Variants in DAB1 observed in about 807,000 individuals in gnomAD.
The protein encoded by DAB1 is disabled homolog 1.
A neutral mutation model predicts 64.6 loss-of-function variants in DAB1; 15 were observed. The observed-to-expected ratio is 0.23, with a 90% confidence interval of 0.16 to 0.36. The LOEUF (loss-of-function observed/expected upper bound fraction) is 0.36, where lower values mean the gene tolerates loss of function less well. Among genes scored for constraint, DAB1 ranks in the 10% least tolerant of loss-of-function variants. The pLI is 1.00. For missense variants in DAB1, 596 were observed against 706.7 expected (o/e 0.84, Z 1.78); for synonymous variants, 235 against 251.9 (o/e 0.93, Z 0.64).
intron 1 of DAB1, among the ~76,000 whole-genome samples, chr1:57,419,416 T>A (rs1356406193): frequency 1.3e-5 from 2 of 151,360 alleles, no homozygotes; most frequent in Non-Finnish European, 2.9e-5. Context: ...TAAAATGGCA[T>A]GGAAATTTTA....
chr1:58,209,835 G>A lies in DAB1; in HGVS notation n.310-59247C>T, dbSNP rs570469449. 6.6e-5 allele frequency among the ~76,000 whole-genome samples: 10 copies of A among 152,058 alleles called. No individual in the cohort carries two copies. The South Asian group carries it at 1.7e-3, about 25-fold the overall frequency. ...ATCGTCTTTAAGAACATTAAAATTA[G>A]ATAAAAAATTGATATGCAGACAATT... is the stretch of plus-strand genomic sequence containing the variant. On this transcript the variant is annotated intron_variant and non_coding_transcript_variant, in intron 4 of 20. Transcript: ENST00000485760.
chr1:58,373,485 C>T (rs1465476316), intron 3 of DAB1, among the ~76,000 whole-genome samples: 1 of 151,208 alleles, frequency 6.6e-6, no homozygotes, highest in Non-Finnish European at 1.5e-5. Flanking sequence ...ATCCATGTCC[C>T]TACAAAGGAC....
chr1:58,027,992 G>A (rs1426284053), intron 5 of DAB1, among the ~76,000 whole-genome samples: 1 of 152,114 alleles, frequency 6.6e-6, no homozygotes, highest in Non-Finnish European at 1.5e-5. Flanking sequence ...ACTAACTCAG[G>A]CCATTTTCTG....
intron 4 of DAB1, among the ~76,000 whole-genome samples, chr1:58,311,762 T>G (rs1662435454): frequency 6.6e-6 from 1 of 152,158 alleles, no homozygotes; most frequent in Non-Finnish European, 1.5e-5. Flanking sequence ...CCCCTTTATC[T>G]TTCATAAGTG....
intron 5 of DAB1, among the ~76,000 whole-genome samples, chr1:57,978,761 T>C (rs865895658): frequency 8.5e-5 from 13 of 152,216 alleles, no homozygotes; most frequent in African/African-American, 3.1e-4. Context: ...GCAAAGGATA[T>C]GAACAGACAC....
At chr1:58,347,477 A>G (rs1384303360) in intron 3 of DAB1, among the ~76,000 whole-genome samples, 1 of 152,182 alleles carries the variant, frequency 6.6e-6, no homozygotes, top group African/African-American at 2.4e-5. Context: ...GAGATTGTCA[A>G]TTACCACTTC....
At chr1:57,782,700 T>C (rs72664663) in intron 6 of DAB1, among the ~76,000 whole-genome samples, 54,968 of 151,984 alleles carry the variant, frequency 0.36, 10,232 homozygotes, top group South Asian at 0.49. Flanking sequence ...TTTTAAATTT[T>C]TCCTGGGTAA....
intron 6 of DAB1, among the ~76,000 whole-genome samples, chr1:57,802,198 C>A (rs1189334493): frequency 1.3e-5 from 2 of 152,208 alleles, no homozygotes; most frequent in Non-Finnish European, 2.9e-5. Flanking sequence ...ACTTTCTCTG[C>A]TTCAATTCCA....
chr1:57,598,499 A>G (rs1645537566), intron 7 of DAB1, among the ~76,000 whole-genome samples: 1 of 152,254 alleles, frequency 6.6e-6, no homozygotes, highest in African/African-American at 2.4e-5. Context: ...CTCTTAGCAT[A>G]GTCTCTGGCC....
At chr1:57,846,383 G>A (rs969062258) in intron 1 of DAB1, among the ~76,000 whole-genome samples, 10 of 150,954 alleles carry the variant, frequency 6.6e-5, no homozygotes, top group East Asian at 5.8e-4. Context: ...GTGTGAACCC[G>A]GGAGGCAGAG....
At chr1:57,139,253 G>C (rs1316269837) in intron 3 of DAB1, among the ~76,000 whole-genome samples, 1 of 152,086 alleles carries the variant, frequency 6.6e-6, no homozygotes, top group Non-Finnish European at 1.5e-5. Context: ...TTATAAAAAG[G>C]CTTCAGAGAA....
chr1:58,425,810 A>G (rs774299008), intron 3 of DAB1, among the ~76,000 whole-genome samples: 3 of 152,070 alleles, frequency 2.0e-5, no homozygotes, highest in Non-Finnish European at 2.9e-5. Context: ...CAACACTGAA[A>G]AGAATCCATT....
intron 4 of DAB1, among the ~76,000 whole-genome samples, chr1:58,175,965 T>C (rs74075939): frequency 0.19 from 28,680 of 152,228 alleles, 2,901 homozygotes; most frequent in East Asian, 0.37. Context: ...GGTTTCTGGC[T>C]TCTTGTGAAA....
chr1:57,398,563 C>T (rs1682996870), intron 1 of DAB1, among the ~76,000 whole-genome samples: 2 of 152,202 alleles, frequency 1.3e-5, no homozygotes, highest in Admixed American at 6.5e-5. Flanking sequence ...TGTTAAATGA[C>T]ACTCCAAACC....
intron 4 of DAB1, among the ~76,000 whole-genome samples, chr1:58,276,012 C>T (rs1401640452): frequency 2.0e-5 from 3 of 152,204 alleles, no homozygotes; most frequent in Non-Finnish European, 4.4e-5. Context: ...CATGCTACAA[C>T]ATAGATGAAC....
intron 2 of DAB1, among the ~76,000 whole-genome samples, chr1:58,521,717 T>C (rs976670861): frequency 6.6e-6 from 1 of 151,932 alleles, no homozygotes; most frequent in Non-Finnish European, 1.5e-5. Context: ...AAACAAGAAA[T>C]AGAAAAATCT....
rs1558445907 is a variant in DAB1, at chr1:57,508,760, T to C, written n.625+140832A>G. ...CATTTGTATGTGAAGCTTATGTCCT[T>C]GGCTAGACTGCCAGATTCTAAATTC... On this transcript the variant is annotated intron_variant and non_coding_transcript_variant, in intron 7 of 20. Transcript: ENST00000485760. Among the ~76,000 whole-genome samples, 4 of 152,296 alleles carry C rather than the reference T, an allele frequency of 2.6e-5. No homozygotes were observed. In the East Asian group the frequency reaches 5.8e-4, roughly 22 times the overall value.
intron 2 of DAB1, among the ~76,000 whole-genome samples, chr1:57,284,761 A>G (rs538417283): frequency 6.6e-6 from 1 of 152,380 alleles, no homozygotes; most frequent in African/African-American, 2.4e-5. Context: ...AGGTAAGCCA[A>G]TGTTAGCGGA....
At chr1:57,189,036 C>T (rs1460028474) in intron 2 of DAB1, among the ~76,000 whole-genome samples, 1 of 152,072 alleles carries the variant, frequency 6.6e-6, no homozygotes, top group Non-Finnish European at 1.5e-5. Flanking sequence ...GTAGAAATTC[C>T]AATTCAGGCC....
Sources: allele counts gnomAD v4.1 joint callset (sites outside exome capture counted in the v4.1 genomes callset), GRCh38; gene constraint gnomAD v4.1.1; transcripts MANE v1.5; gene names NCBI Gene and HGNC (gene_info 2026-07-23, HGNC 2026-07-21).